MAGI1: variants seen among roughly 807,000 people sequenced by gnomAD.
The protein encoded by MAGI1 is membrane-associated guanylate kinase, WW and PDZ domain-containing protein 1.
Under a neutral mutation model 139.9 loss-of-function variants are expected in MAGI1, and 58 were observed. That is an observed-to-expected ratio of 0.41 (90% CI 0.34 to 0.52). MAGI1 has a LOEUF of 0.52. Among genes scored for constraint, MAGI1 ranks in the 20% least tolerant of loss-of-function variants. MAGI1 has a pLI of 0.12. For synonymous variants in MAGI1, 812 were observed against 737.9 expected, an observed-to-expected ratio of 1.10 and a Z score of -1.63; for missense variants, 1,874 against 1,901.6, an observed-to-expected ratio of 0.99 and a Z score of 0.27.
At chr3:65,397,261 G>C (rs1944465590) in intron 13 of MAGI1, among the ~76,000 whole-genome samples, 2 of 152,208 alleles carry the variant, frequency 1.3e-5, no homozygotes, top group Admixed American at 1.3e-4. Flanking sequence ...GAATGATCTA[G>C]GCCAGGGTCA....
chr3:65,752,038 G>A (rs1480929720), intron 1 of MAGI1, among the ~76,000 whole-genome samples: 2 of 152,104 alleles, frequency 1.3e-5, no homozygotes, highest in Admixed American at 1.3e-4. Flanking sequence ...GACTTCCCAG[G>A]CTCAAGCCAT....
At chr3:65,510,438 C>T (rs1316016555) in intron 2 of MAGI1, among the ~76,000 whole-genome samples, 1 of 147,420 alleles carries the variant, frequency 6.8e-6, no homozygotes, top group Non-Finnish European at 1.5e-5. Context: ...ACTAGAATAA[C>T]CAATACAGAG....
intron 1 of MAGI1, among the ~76,000 whole-genome samples, chr3:65,837,763 T>A (rs1270733213): frequency 6.6e-6 from 1 of 152,214 alleles, no homozygotes; most frequent in African/African-American, 2.4e-5. Context: ...GTTTTGCTCA[T>A]CTCTGGTGTC....
At chr3:65,631,752 G>GC (rs1270487900) in intron 1 of MAGI1, among the ~76,000 whole-genome samples, 1 of 152,114 alleles carries the variant, frequency 6.6e-6, no homozygotes, top group Non-Finnish European at 1.5e-5. Flanking sequence ...GGTGGCTCAT[G>GC]CCTGTAACCC....
chr3:65,916,806 C>T (rs1007514778), intron 1 of MAGI1, among the ~76,000 whole-genome samples: 1 of 151,944 alleles, frequency 6.6e-6, no homozygotes, highest in Admixed American at 6.6e-5. Context: ...CACACATACA[C>T]ACACACACAC....
intron 1 of MAGI1, among the ~76,000 whole-genome samples, chr3:66,011,284 C>G (rs2107504348): frequency 6.6e-6 from 1 of 152,302 alleles, no homozygotes; most frequent in Admixed American, 6.5e-5. Flanking sequence ...TTCTCGACAA[C>G]AAACGTTGCA....
chr3:65,744,939 T>TAAGGCAATAAATA (rs2035576326), intron 1 of MAGI1, among the ~76,000 whole-genome samples: 1 of 152,060 alleles, frequency 6.6e-6, no homozygotes, highest in African/African-American at 2.4e-5. Context: ...TCTTTAACTA[T>TAAGGCAATAAATA]AAGGCAATAA....
chr3:65,592,677 A>C (rs193048612), intron 2 of MAGI1, among the ~76,000 whole-genome samples: 4 of 152,202 alleles, frequency 2.6e-5, no homozygotes, highest in African/African-American at 9.6e-5. Context: ...ACAAAGGAAC[A>C]CACGCACATG....
In MAGI1 at chr3:65,363,529, T is replaced by A; in HGVS notation, c.3431A>T (p.Asn1144Ile). The A allele has an allele frequency of 6.2e-7, 1 of 1,614,140 alleles. No individual in the cohort carries two copies. Among genetic ancestry groups the A allele is most frequent in the Non-Finnish European group, 8.5e-7 (1 of 1,179,972 alleles). The stretch of plus-strand genomic sequence containing the variant: ...TAAGCGCAGAACATAGAGGTCCATG[T>A]TATACTCTCGGCCTCCTCGAAGGCT... ...GFSLRGGREY[N>I]MDLYVLRLAE... The change falls in exon 21 of 23, where the codon AAC becomes ATC. Residue 1144 changes from asparagine (N) to isoleucine (I), a missense_variant. By Grantham distance (149) the Asn-to-Ile change is moderately radical. Around this residue, in one of 5 missense-constraint regions of MAGI1, gnomAD observed 653 missense variants for 644.5 expected, o/e 1.01. Transcript: ENST00000402939.
intron 2 of MAGI1, among the ~76,000 whole-genome samples, chr3:65,514,783 AT>A (rs2077777485): frequency 6.8e-6 from 1 of 146,176 alleles, no homozygotes; most frequent in Admixed American, 6.8e-5. Flanking sequence ...TAGAAATACC[AT>A]TTGACCCAGC....
intron 1 of MAGI1, among the ~76,000 whole-genome samples, chr3:65,964,416 T>C (rs542185060): frequency 1.3e-5 from 2 of 151,488 alleles, no homozygotes; most frequent in Admixed American, 6.6e-5. Flanking sequence ...GGTCAGAGAG[T>C]GAATGAGTCA....
At chr3:65,706,354 G>A (rs966382314) in intron 1 of MAGI1, among the ~76,000 whole-genome samples, 1 of 152,150 alleles carries the variant, frequency 6.6e-6, no homozygotes, top group South Asian at 2.1e-4. Context: ...AGCCTCACTG[G>A]GATATTTAGC....
chr3:66,002,870 G>C (rs1291717594), intron 1 of MAGI1, among the ~76,000 whole-genome samples: 4 of 152,092 alleles, frequency 2.6e-5, no homozygotes, highest in Admixed American at 2.0e-4. Flanking sequence ...GGCCTTCCTG[G>C]TATTTTCAGG....
intron 1 of MAGI1, among the ~76,000 whole-genome samples, chr3:65,791,023 C>T (rs1477413472): frequency 6.6e-6 from 1 of 152,002 alleles, no homozygotes; most frequent in Non-Finnish European, 1.5e-5. Flanking sequence ...TGCAGTAAGC[C>T]AAGGTCGCAT....
intron 1 of MAGI1, among the ~76,000 whole-genome samples, chr3:65,890,010 G>C (rs2060680234): frequency 6.6e-6 from 1 of 152,150 alleles, no homozygotes; most frequent in Non-Finnish European, 1.5e-5. Flanking sequence ...TCTACCTCAT[G>C]CTGTTCACAG....
At chr3:65,535,594 T>C (rs931037138) in intron 2 of MAGI1, among the ~76,000 whole-genome samples, 2 of 152,234 alleles carry the variant, frequency 1.3e-5, no homozygotes, top group Admixed American at 1.3e-4. Context: ...CTTTCAAATC[T>C]AAAAAGCAAT....
intron 2 of MAGI1, among the ~76,000 whole-genome samples, chr3:65,621,621 T>C (rs1576506765): frequency 6.6e-6 from 1 of 152,204 alleles, no homozygotes; most frequent in Admixed American, 6.5e-5. Context: ...TTAACATTTA[T>C]GGAGGCTCAC....
intron 1 of MAGI1, among the ~76,000 whole-genome samples, chr3:65,693,812 A>T (rs60208832): frequency 2.6e-5 from 4 of 151,804 alleles, no homozygotes; most frequent in African/African-American, 4.8e-5. Flanking sequence ...CAACTTCTAC[A>T]TCCCGGATTC....
intron 17 of MAGI1, 58 bp downstream of exon 17, chr3:65,379,203 G>C (rs1313692767): frequency 6.2e-7 from 1 of 1,604,886 alleles, no homozygotes; most frequent in African/African-American, 1.3e-5. Flanking sequence ...ACTCGCAAGA[G>C]AACAAAAACT....
Sources: allele counts gnomAD v4.1 joint callset (sites outside exome capture counted in the v4.1 genomes callset), GRCh38; gene constraint gnomAD v4.1.1; regional missense constraint gnomAD v4.1.1; transcripts MANE v1.5; gene names NCBI Gene and HGNC (gene_info 2026-07-23, HGNC 2026-07-21).